ZFHX3: variants seen among roughly 807,000 people sequenced by gnomAD.
The protein encoded by ZFHX3 is zinc finger homeobox protein 3.
ZFHX3 carries 42 observed loss-of-function variants against 279.1 expected under a neutral mutation model. The ratio of observed to expected loss-of-function variants is 0.15; its 90% CI spans 0.12 to 0.19. ZFHX3 has a LOEUF of 0.19. Among genes scored for constraint, ZFHX3 ranks in the 10% least tolerant of loss-of-function variants. The pLI is 1.00. For synonymous variants in ZFHX3, 2,293 were observed against 1,957.8 expected (o/e 1.17, Z -4.52); for missense variants, 4,981 against 4,754.0 (o/e 1.05, Z -1.40).
chr16:72,851,188 G>GC (rs1291214225), intron 4 of ZFHX3, among the ~76,000 whole-genome samples: 1 of 152,092 alleles, frequency 6.6e-6, no homozygotes, highest in Non-Finnish European at 1.5e-5. Flanking sequence ...AGAGAGAGAT[G>GC]CCCCAGCCAG....
At chr16:73,175,406 A>AACAAACC (rs1465734950) in intron 5 of ZFHX3, among the ~76,000 whole-genome samples, 4 of 152,008 alleles carry the variant, frequency 2.6e-5, no homozygotes, top group African/African-American at 9.7e-5. Flanking sequence ...ACAAACAAAA[A>AACAAACC]AACCACTGGT....
At chr16:73,324,026 T>A (rs192916313) in intron 3 of ZFHX3, among the ~76,000 whole-genome samples, 2 of 152,306 alleles carry the variant, frequency 1.3e-5, no homozygotes, top group East Asian at 3.9e-4. Flanking sequence ...GGCCCGAGTG[T>A]ATGGTAGAGG....
intron 4 of ZFHX3, among the ~76,000 whole-genome samples, chr16:73,305,078 TAA>T (rs11341402): frequency 6.6e-6 from 1 of 150,516 alleles, no homozygotes. Context: ...AATAAAAAAT[TAA>T]AAAAAAAAGC....
chr16:72,959,400 C>CCGT lies in ZFHX3; in HGVS notation c.743_745dup (p.Asp248dup), dbSNP rs770926838. ...GGATACGCAGGAGCTTTTGGCAGAA[C>CCGT]CGTCGCTGTTCAGGTAATCCTTGTT... On this transcript the variant is annotated inframe_insertion, in exon 2 of 10. Coordinates refer to ENST00000268489, the MANE Select transcript of ZFHX3 (RefSeq NM_006885.4). The CCGT allele has an allele frequency of 1.2e-6, 2 of 1,614,232 alleles. No individual in the cohort carries two copies. Among genetic ancestry groups the CCGT allele is most frequent in the East Asian group, 4.5e-5 (2 of 44,876 alleles).
At chr16:73,875,639 T>C (rs56971676) in intron 1 of ZFHX3, among the ~76,000 whole-genome samples, 12,442 of 152,250 alleles carry the variant, frequency 0.082, 648 homozygotes, top group Non-Finnish European at 0.11. Context: ...TCTCAAGGGT[T>C]ATATTTGTTC....
At chr16:72,863,563 G>A (rs970431709) in intron 4 of ZFHX3, among the ~76,000 whole-genome samples, 1 of 151,906 alleles carries the variant, frequency 6.6e-6, no homozygotes, top group African/African-American at 2.4e-5. Context: ...GAAAGAAATA[G>A]GGATGAAATG....
At chr16:73,682,939 AAAG>A (rs1567550671) in intron 1 of ZFHX3, among the ~76,000 whole-genome samples, 1,034 of 22,416 alleles carry the variant, frequency 0.046, 8 homozygotes, top group Admixed American at 0.059. Flanking sequence ...AGAAAGAAAG[AAAG>A]AAAGAAAGAA....
rs1301805081 is a variant in ZFHX3 at position 72,931,419 on chromosome 16, A to G, written c.3216+19050T>C. On this transcript the variant is annotated intron_variant, in intron 3 of 9. Coordinates refer to ENST00000268489, the MANE Select transcript of ZFHX3 (RefSeq NM_006885.4). The stretch of plus-strand genomic sequence containing the variant: ...TTTATTTCATTACACACACACACAC[A>G]CACACACACACACACACACACACAC... Among the ~76,000 whole-genome samples the G allele has an allele frequency of 5.8e-4, 80 of 138,266 alleles. 3 individuals are homozygous for G. Among genetic ancestry groups the G allele is most frequent in the African/African-American group, 2.0e-3 (79 of 39,308 alleles). 90.7% of individuals were successfully genotyped at this position (138,266 alleles called of 152,430 possible). A position where few individuals can be genotyped will look rare whatever the true frequency, so the allele number is the denominator to read the frequency against.
In ZFHX3 at chr16:73,622,485, C is replaced by T. The variant is rs150416830; in HGVS notation, c.-1547+57695G>A. 6.6e-5 allele frequency among the ~76,000 whole-genome samples: 10 copies of T among 152,120 alleles called. No individual in the cohort carries two copies. The East Asian group carries it at 9.7e-4, about 15-fold the overall frequency. Reference sequence around the variant, plus strand: ...GCTGAGGTGGGAGAATGGTGTGAACCGGGGAGGTGGAGCTTGCAGTGAGCC... The same window carrying T: ...GCTGAGGTGGGAGAATGGTGTGAACTGGGGAGGTGGAGCTTGCAGTGAGCC... On this transcript the variant is annotated intron_variant, in intron 2 of 17. Coordinates refer to the ZFHX3 transcript ENST00000641206.
At chr16:72,904,333 A>C (rs1385140923) in intron 3 of ZFHX3, among the ~76,000 whole-genome samples, 2 of 151,738 alleles carry the variant, frequency 1.3e-5, no homozygotes. Context: ...AACCCACTGC[A>C]CTCCAGCCTG....
At chr16:72,824,220 C>T (rs988112578) in intron 5 of ZFHX3, among the ~76,000 whole-genome samples, 14 of 152,050 alleles carry the variant, frequency 9.2e-5, no homozygotes, top group Non-Finnish European at 1.6e-4. Context: ...ATGTCAAATC[C>T]GATTGGAATC....
intron 2 of ZFHX3, among the ~76,000 whole-genome samples, chr16:73,461,047 A>G (rs1027513959): frequency 1.3e-5 from 2 of 152,236 alleles, no homozygotes; most frequent in African/African-American, 4.8e-5. Flanking sequence ...AAACTAATAC[A>G]GCAACCTTGC....
chr16:73,586,060 C>T (rs376329806), intron 2 of ZFHX3, among the ~76,000 whole-genome samples: 1 of 151,896 alleles, frequency 6.6e-6, no homozygotes, highest in Admixed American at 6.6e-5. Flanking sequence ...TAGACAGGGA[C>T]TACAACTATA....
Position 72,796,487 on chromosome 16 carries a change from G to T in ZFHX3, c.6195C>A (p.Pro2065=). The change falls in exon 9 of 10, where the codon CCC becomes CCA. Residue 2065 remains proline (P), a synonymous_variant. Transcript: ENST00000268489. ...GTGAGGTGATGGGTGGGGCTGATGC[G>T]GGGATGGCTGGTGTGGACGCCGGCT... is the stretch of plus-strand genomic sequence containing the variant. The part of the protein sequence containing the change: ...PPQPASTPAI[P]ASAPPITSPT... 1 of 1,608,470 alleles carries T rather than the reference G, an allele frequency of 6.2e-7. No individual in the cohort carries two copies. The highest frequency in any genetic ancestry group is 8.5e-7 in the Non-Finnish European group (1 of 1,179,690).
chr16:73,462,171 C>A (rs1366581467), intron 2 of ZFHX3, among the ~76,000 whole-genome samples: 1 of 152,074 alleles, frequency 6.6e-6, no homozygotes. Context: ...TGTTAGTATA[C>A]AGAAGTGCAA....
At chr16:73,396,850 C>A (rs539119974) in intron 3 of ZFHX3, among the ~76,000 whole-genome samples, 1 of 152,286 alleles carries the variant, frequency 6.6e-6, no homozygotes, top group South Asian at 2.1e-4. Flanking sequence ...CTCCTGAGTA[C>A]ACAGATGGCC....
intron 3 of ZFHX3, among the ~76,000 whole-genome samples, chr16:72,922,316 C>T (rs2039605295): frequency 6.6e-6 from 1 of 151,360 alleles, no homozygotes; most frequent in African/African-American, 2.4e-5. Context: ...TCCATCCTCT[C>T]CTAACCATCC....
chr16:72,824,742 T>C (rs1285890413), intron 5 of ZFHX3, among the ~76,000 whole-genome samples: 1 of 152,252 alleles, frequency 6.6e-6, no homozygotes, highest in East Asian at 1.9e-4. Flanking sequence ...ATCACATTAA[T>C]TGTATATCAC....
Position 73,716,612 on chromosome 16 carries a change from AACACACACAC to A in ZFHX3, c.-1607-36382_-1607-36373del, listed in dbSNP as rs144449904. Among the ~76,000 whole-genome samples, 15 of 31,696 alleles carry A rather than the reference AACACACACAC, an allele frequency of 4.7e-4. 1 individual carries two copies. The highest frequency in any genetic ancestry group is 7.0e-4 in the African/African-American group (14 of 19,920). The allele number at this position is 31,696 out of a possible 152,430, so 20.8% of individuals were successfully genotyped here. On this transcript the variant is annotated intron_variant, in intron 1 of 17. Transcript: ENST00000641206. ...CTTCTCCCCCAGAATTCTTACTCTG[AACACACACAC>A]ACACACACACACACACACACACACA...
Sources: gnomAD v4.1 joint callset for allele counts (sites outside exome capture counted in the v4.1 genomes callset) on GRCh38, gnomAD v4.1.1 for gene constraint, MANE v1.5 for transcripts, NCBI Gene and HGNC (gene_info 2026-07-23, HGNC 2026-07-21) for gene names.